DCLK1: variants seen among roughly 807,000 people sequenced by gnomAD.
DCLK1 encodes serine/threonine-protein kinase DCLK1.
Under a neutral mutation model 86.2 loss-of-function variants are expected in DCLK1, and 16 were observed. The ratio of observed to expected loss-of-function variants is 0.19; its 90% CI spans 0.13 to 0.28. The LOEUF (loss-of-function observed/expected upper bound fraction) is 0.28. Ranked by LOEUF, DCLK1 falls within the 10% of genes least tolerant of loss-of-function variation. The probability of loss-of-function intolerance (pLI) is 1.00; values close to 1 mark genes in which losing one functional copy is unlikely to be tolerated. For missense variants in DCLK1, 590 were observed against 940.2 expected (o/e 0.63, Z 4.87); for synonymous variants, 369 against 370.5 (o/e 1.00, Z 0.05).
At chr13:36,103,053 G>A (rs1044628364) in intron 3 of DCLK1, among the ~76,000 whole-genome samples, 1 of 152,156 alleles carries the variant, frequency 6.6e-6, no homozygotes, top group South Asian at 2.1e-4. Flanking sequence ...ACACAGAGTG[G>A]GATCTGTGGG....
intron 3 of DCLK1, among the ~76,000 whole-genome samples, chr13:36,038,461 T>C (rs999749902): frequency 5.3e-5 from 8 of 152,172 alleles, no homozygotes; most frequent in Non-Finnish European, 1.2e-4. Context: ...AATACTGAGG[T>C]ACCTATGGGG....
intron 15 of DCLK1, among the ~76,000 whole-genome samples, chr13:35,799,540 T>G (rs1046909798): frequency 2.0e-5 from 3 of 152,166 alleles, no homozygotes; most frequent in Admixed American, 2.0e-4. Context: ...CATGAACCAC[T>G]GCACCTGGCC....
At position 35,864,331 on chromosome 13, in the gene DCLK1, C is replaced by T. The variant is rs376541367; in HGVS notation, c.940+6893G>A. 8.0e-5 allele frequency among the ~76,000 whole-genome samples: 6 copies of T among 75,182 alleles called. 2 individuals are homozygous for T. In the South Asian group the frequency reaches 1.1e-3, roughly 14 times the overall value. The allele number at this position is 75,182 out of a possible 152,430, so 49.3% of individuals were successfully genotyped here. On this transcript the variant is annotated intron_variant, in intron 5 of 16. Coordinates refer to ENST00000360631, the MANE Select transcript of DCLK1 (RefSeq NM_001330071.2). ...CTGTAATCCCAGCACTTTGGGAGGC[C>T]GAGGCGGGCGGATCACGAGGTCAGG... is the stretch of plus-strand genomic sequence containing the variant.
At chr13:35,815,068 A>G (rs1288955652) in intron 11 of DCLK1, among the ~76,000 whole-genome samples, 1 of 152,224 alleles carries the variant, frequency 6.6e-6, no homozygotes, top group Non-Finnish European at 1.5e-5. Context: ...AGATATAACG[A>G]AAGGTCAGGT....
At chr13:36,103,728 C>G (rs183872271) in intron 3 of DCLK1, among the ~76,000 whole-genome samples, 169 of 152,246 alleles carry the variant, frequency 1.1e-3, no homozygotes, top group Non-Finnish European at 2.1e-3. Context: ...TCAGGAAAAT[C>G]TGGTGCAACA....
chr13:36,037,194 A>AG (rs1017890574), intron 3 of DCLK1, among the ~76,000 whole-genome samples: 2 of 152,146 alleles, frequency 1.3e-5, no homozygotes, highest in African/African-American at 2.4e-5. Flanking sequence ...TTAAAAAAAA[A>AG]TGATCTCATG....
At chr13:35,923,639 A>G (rs549737218) in intron 4 of DCLK1, among the ~76,000 whole-genome samples, 127 of 152,204 alleles carry the variant, frequency 8.3e-4, no homozygotes, top group Non-Finnish European at 1.4e-3. Flanking sequence ...CTGTGAGCAG[A>G]AAGTATGGCC....
chr13:35,794,198 C>T (rs2086760702), intron 15 of DCLK1, among the ~76,000 whole-genome samples: 1 of 152,162 alleles, frequency 6.6e-6, no homozygotes. Flanking sequence ...GTATGTGCCA[C>T]CACTTACTAG....
intron 4 of DCLK1, among the ~76,000 whole-genome samples, chr13:35,904,559 T>A (rs906831418): frequency 3.9e-5 from 6 of 152,136 alleles, no homozygotes; most frequent in Admixed American, 1.3e-4. Flanking sequence ...GCTGCTCTGA[T>A]AAGAAAGAAG....
intron 4 of DCLK1, among the ~76,000 whole-genome samples, chr13:35,876,053 G>A (rs1466361585): frequency 1.3e-5 from 2 of 152,162 alleles, no homozygotes; most frequent in Non-Finnish European, 2.9e-5. Context: ...ACAAATGGGT[G>A]ATGGTGCATC....
chr13:35,999,096 A>G (rs9575084), intron 3 of DCLK1, among the ~76,000 whole-genome samples: 23,671 of 151,984 alleles, frequency 0.16, 2,112 homozygotes, highest in East Asian at 0.23. Context: ...CTCTACTAAA[A>G]ATACAAAAAT....
chr13:36,046,008 C>T (rs1261600213), intron 3 of DCLK1, among the ~76,000 whole-genome samples: 3 of 152,074 alleles, frequency 2.0e-5, no homozygotes, highest in Middle Eastern at 3.4e-3. Context: ...TTCTATTTTG[C>T]AGTGTTGCTT....
At chr13:35,799,900 T>C (rs1295325875) in intron 15 of DCLK1, among the ~76,000 whole-genome samples, 1 of 152,214 alleles carries the variant, frequency 6.6e-6, no homozygotes, top group Non-Finnish European at 1.5e-5. Flanking sequence ...TCTTATATTA[T>C]AATAAATGTG....
intron 3 of DCLK1, among the ~76,000 whole-genome samples, chr13:36,097,517 G>T (rs186192914): frequency 1.3e-5 from 2 of 151,850 alleles, no homozygotes; most frequent in East Asian, 3.9e-4. Flanking sequence ...TTCCACTATT[G>T]GGAATATAAA....
chr13:35,780,264 G>A (rs894170332), intron 16 of DCLK1, among the ~76,000 whole-genome samples: 1 of 152,146 alleles, frequency 6.6e-6, no homozygotes, highest in Admixed American at 6.5e-5. Flanking sequence ...GAGGCTCCAT[G>A]AACACTTAAG....
chr13:36,055,051 A>G (rs1315438291), intron 3 of DCLK1, among the ~76,000 whole-genome samples: 1 of 152,194 alleles, frequency 6.6e-6, no homozygotes, highest in East Asian at 1.9e-4. Flanking sequence ...AAAAACAGCA[A>G]GAGACAGATT....
At chr13:35,800,454 G>A (rs541097728) in intron 15 of DCLK1, among the ~76,000 whole-genome samples, 20 of 152,274 alleles carry the variant, frequency 1.3e-4, no homozygotes, top group Middle Eastern at 3.4e-3. Flanking sequence ...GCTTACTGAC[G>A]ATGGCTTTGT....
intron 3 of DCLK1, among the ~76,000 whole-genome samples, chr13:36,030,397 A>ATTCTCCT (rs1325893940): frequency 6.6e-6 from 1 of 151,650 alleles, no homozygotes; most frequent in African/African-American, 2.4e-5. Flanking sequence ...CCTGGGTTCA[A>ATTCTCCT]GCAATTCTCC....
chr13:36,111,440 G>A (rs1885615784), intron 3 of DCLK1, among the ~76,000 whole-genome samples: 1 of 152,132 alleles, frequency 6.6e-6, no homozygotes, highest in Non-Finnish European at 1.5e-5. Flanking sequence ...AATCTCACTA[G>A]CGAACACTAC....
Sources: gnomAD v4.1 joint callset for allele counts (sites outside exome capture counted in the v4.1 genomes callset) on GRCh38, gnomAD v4.1.1 for gene constraint, MANE v1.5 for transcripts, NCBI Gene and HGNC (gene_info 2026-07-23, HGNC 2026-07-21) for gene names.